Variants in RBFOX1 observed in about 807,000 individuals in gnomAD.
RBFOX1 encodes the protein RNA binding protein fox-1 homolog 1.
In RBFOX1, 8 loss-of-function variants were observed where a neutral mutation model predicts 57.7. That is an observed-to-expected ratio of 0.14 (90% confidence interval 0.08 to 0.25). The LOEUF is 0.25. Ranked by LOEUF, RBFOX1 falls within the 10% of genes least tolerant of loss-of-function variation. RBFOX1 has a pLI of 1.00. For synonymous variants in RBFOX1, 326 were observed against 222.4 expected, an observed-to-expected ratio of 1.47 and a Z score of -4.15; for missense variants, 611 against 548.5, an observed-to-expected ratio of 1.11 and a Z score of -1.14.
At position 7,704,550 on chromosome 16, in the gene RBFOX1, C is replaced by A. The variant is rs564592029; in HGVS notation, c.996-4506C>A. 1.7e-4 allele frequency among the ~76,000 whole-genome samples: 26 copies of A among 152,312 alleles called. No homozygotes were observed. In the South Asian group the frequency reaches 5.0e-3, roughly 29 times the overall value. ...CCCAGGCCCCATTTCTCTCTTTACT[C>A]CTTTGTCTTGCTGCCTCCTCTCTAC... is the stretch of plus-strand genomic sequence containing the variant. On this transcript the variant is annotated intron_variant, in intron 14 of 15. Transcript: ENST00000550418.
intron 3 of RBFOX1, among the ~76,000 whole-genome samples, chr16:5,767,998 C>G (rs2053846808): frequency 6.6e-6 from 1 of 152,098 alleles, no homozygotes; most frequent in Admixed American, 6.5e-5. Context: ...ACAGTCGGGC[C>G]ACCCATCAGA....
At chr16:5,952,295 C>T (rs1042754694) in intron 4 of RBFOX1, among the ~76,000 whole-genome samples, 4 of 151,876 alleles carry the variant, frequency 2.6e-5, no homozygotes, top group African/African-American at 4.8e-5. Context: ...GGATTACAGG[C>T]GTGCGCCACC....
chr16:6,534,362 C>A (rs746300428), intron 2 of RBFOX1, among the ~76,000 whole-genome samples: 22 of 152,056 alleles, frequency 1.4e-4, no homozygotes, highest in Non-Finnish European at 2.6e-4. Context: ...TTTTATGAAG[C>A]TGACGAACAG....
chr16:6,727,065 A>AC (rs57762524), intron 3 of RBFOX1, among the ~76,000 whole-genome samples: 1 of 135,998 alleles, frequency 7.4e-6, no homozygotes, highest in Admixed American at 7.7e-5. Context: ...ACACACACAC[A>AC]GACACAGAGA....
intron 4 of RBFOX1, among the ~76,000 whole-genome samples, chr16:7,296,736 CA>C (rs1374883163): frequency 6.6e-6 from 1 of 152,114 alleles, no homozygotes; most frequent in Non-Finnish European, 1.5e-5. Context: ...TTCAGAGTCC[CA>C]GGACTCTGGG....
At chr16:6,014,732 G>C (rs887199003), upstream of RBFOX1, among the ~76,000 whole-genome samples, 4 of 152,118 alleles carry the variant, frequency 2.6e-5, no homozygotes, top group Admixed American at 2.0e-4. Flanking sequence ...TATTTAAATT[G>C]TGCAAATCAT....
At chr16:7,504,921 A>G (rs1471881923) in intron 4 of RBFOX1, among the ~76,000 whole-genome samples, 1 of 148,346 alleles carries the variant, frequency 6.7e-6, no homozygotes, top group Non-Finnish European at 1.5e-5. Context: ...ATTTGAAGCA[A>G]TTTCGCAAAC....
At chr16:5,918,770 A>C (rs765453667) in intron 4 of RBFOX1, among the ~76,000 whole-genome samples, 31 of 152,258 alleles carry the variant, frequency 2.0e-4, no homozygotes, top group Non-Finnish European at 4.0e-4. Context: ...GGTTGATCAC[A>C]GTCAAGGGAG....
Position 6,223,424 on chromosome 16 carries a change from T to C in RBFOX1, c.-126-93571T>C, listed in dbSNP as rs576579745. ...GGTGTGAGATGGTATCTCATTGTGG[T>C]TTTGATTTGCATTTCTCTGATGGCC... On this transcript the variant is annotated intron_variant, in intron 1 of 15. Coordinates refer to ENST00000550418, the MANE Select transcript of RBFOX1 (RefSeq NM_018723.4). Among the ~76,000 whole-genome samples the C allele has an allele frequency of 5.2e-5, 6 of 115,000 alleles. No individual in the cohort carries two copies. The South Asian group carries it at 1.8e-3, about 34-fold the overall frequency. 75.4% of individuals were successfully genotyped at this position (115,000 alleles called of 152,430 possible).
intron 4 of RBFOX1, among the ~76,000 whole-genome samples, chr16:7,399,754 C>G (rs935511510): frequency 4.6e-5 from 7 of 152,106 alleles, no homozygotes; most frequent in Non-Finnish European, 8.8e-5. Flanking sequence ...AACTTGATTA[C>G]ATCTGCAAAG....
intron 3 of RBFOX1, among the ~76,000 whole-genome samples, chr16:6,985,852 A>ATTTTTTTTTT (rs137915101): frequency 7.4e-6 from 1 of 135,640 alleles, no homozygotes; most frequent in Non-Finnish European, 1.6e-5. Context: ...AAAAAACAGA[A>ATTTTTTTTTT]TTTTTTTTTC....
intron 1 of RBFOX1, among the ~76,000 whole-genome samples, chr16:6,136,211 A>G (rs1022629923): frequency 2.0e-5 from 3 of 152,094 alleles, no homozygotes; most frequent in African/African-American, 7.2e-5. Flanking sequence ...TTCGGAGGCG[A>G]TGTGTACTTG....
intron 3 of RBFOX1, among the ~76,000 whole-genome samples, chr16:6,999,225 A>ATTTTTTTTTTTTTTTTTTTTTTTT (rs200620958): frequency 8.1e-6 from 1 of 122,956 alleles, no homozygotes; most frequent in Non-Finnish European, 1.7e-5. Context: ...TATTTTTTTT[A>ATTTTTTTTTTTTTTTTTTTTTTTT]TTTATTTTTT....
chr16:5,533,392 T>C (rs551245597), intron 2 of RBFOX1, among the ~76,000 whole-genome samples: 1 of 152,318 alleles, frequency 6.6e-6, no homozygotes, highest in Non-Finnish European at 1.5e-5. Flanking sequence ...GAAGTAATCT[T>C]CAGTGTGGAT....
chr16:6,594,644 T>G (rs1306362041), intron 2 of RBFOX1, among the ~76,000 whole-genome samples: 1 of 152,166 alleles, frequency 6.6e-6, no homozygotes, highest in Non-Finnish European at 1.5e-5. Context: ...AATAAGTATG[T>G]TCAGGTTGTG....
chr16:5,792,872 G>C (rs563937899), intron 3 of RBFOX1, among the ~76,000 whole-genome samples: 1 of 151,978 alleles, frequency 6.6e-6, no homozygotes, highest in Non-Finnish European at 1.5e-5. Context: ...ATAAGAAATA[G>C]GTTTACTATT....
intron 4 of RBFOX1, among the ~76,000 whole-genome samples, chr16:7,064,220 G>A (rs2055353726): frequency 6.8e-6 from 1 of 146,280 alleles, no homozygotes; most frequent in South Asian, 2.2e-4. Flanking sequence ...CTAGGCTGGA[G>A]TGCAGTGGCG....
At chr16:6,222,717 A>ATTG (rs1157936079) in intron 1 of RBFOX1, among the ~76,000 whole-genome samples, 9 of 147,060 alleles carry the variant, frequency 6.1e-5, no homozygotes, top group African/African-American at 7.6e-5. Context: ...TATTATTATT[A>ATTG]TGCTTTAAGT....
intron 3 of RBFOX1, among the ~76,000 whole-genome samples, chr16:5,801,674 G>A (rs1465500937): frequency 3.3e-5 from 5 of 152,196 alleles, no homozygotes; most frequent in Admixed American, 2.6e-4. Flanking sequence ...TTTACAAAGA[G>A]CAAGATGTAA....
Sources: gnomAD v4.1 joint callset for allele counts (sites outside exome capture counted in the v4.1 genomes callset) on GRCh38, gnomAD v4.1.1 for gene constraint, MANE v1.5 for transcripts, NCBI Gene and HGNC (gene_info 2026-07-23, HGNC 2026-07-21) for gene names.